HIRIP3: variants seen among roughly 807,000 people sequenced by gnomAD.
HIRIP3 encodes the protein HIRA interacting protein 3.
A neutral mutation model predicts 50.3 loss-of-function variants in HIRIP3; 40 were observed. That is an observed-to-expected ratio of 0.79 (90% CI 0.62 to 1.03). HIRIP3 has a LOEUF of 1.03. HIRIP3 is among the 50% of genes least tolerant of loss of function. The probability of loss-of-function intolerance (pLI) is 0.00; values close to 1 mark genes in which losing one functional copy is unlikely to be tolerated. For missense variants in HIRIP3, 765 were observed against 705.4 expected, an observed-to-expected ratio of 1.08 and a Z score of -0.96; for synonymous variants, 318 against 261.6, an observed-to-expected ratio of 1.22 and a Z score of -2.08.
At position 29,993,545 on chromosome 16, in the gene HIRIP3, AGGGAAGG is replaced by A; in HGVS notation, c.1414_1420del (p.Pro472Ter). ...CTCCTTCAGGGCCCGACACTTCCCT[AGGGAAGG>A]GGTACCTGGGGCAGAAGAAGCTGGT... On this transcript the variant is annotated frameshift_variant, in exon 6 of 7. Coordinates refer to ENST00000279392, the MANE Select transcript of HIRIP3 (RefSeq NM_003609.5). LOFTEE classifies it high-confidence loss of function. 6.2e-7 allele frequency: 1 copy of A among 1,613,580 alleles called. No individual in the cohort carries two copies.
At chr16:29,994,883 C>G (rs764590719) in intron 3 of HIRIP3, 40 bp from the exon 4 acceptor site, 3 of 1,553,418 alleles carry the variant, frequency 1.9e-6, no homozygotes, top group Admixed American at 3.9e-5. Context: ...ACAGGCTCCT[C>G]CTGTCCCTTC....
At chr16:29,995,926 C>G, upstream of HIRIP3, 1 of 570,600 alleles carries the variant, frequency 1.8e-6, no homozygotes, top group Non-Finnish European at 3.1e-6. Flanking sequence ...TCACGGGCAA[C>G]AGCTAGGCTG....
At position 29,995,576 on chromosome 16, in the gene HIRIP3, G is replaced by T; in HGVS notation, c.30C>A (p.Phe10Leu). The T allele has an allele frequency of 6.2e-7, 1 of 1,612,582 alleles. No homozygotes were observed. Among genetic ancestry groups the T allele is most frequent in the South Asian group, 1.1e-5 (1 of 91,020 alleles). The change falls in exon 1 of 7, where the codon TTC (phenylalanine) becomes TTA (leucine). Residue 10 changes from phenylalanine to leucine, a missense_variant. Phe to Leu is a conservative substitution (Grantham distance 22). Coordinates refer to ENST00000279392, the MANE Select transcript of HIRIP3 (RefSeq NM_003609.5). ...GGCGGCCTCGGAAGAAGCTACGGGT[G>T]AACTCCTGCATCTCCTTCTCCCGCG... MAREKEMQE[F>L]TRSFFRGRPD...
chr16:29,994,183 G>A lies in HIRIP3; in HGVS notation c.962C>T (p.Thr321Ile), dbSNP rs1567259379. ...CAACCTCTTCCCACCCTTAAGCTGG[G>A]TCCTGTCCTCACTCTTCCTCTGCAC... Reference protein sequence around the residue: ...PPVQRKSEDRTQLKGGKRLSG... With the variant: ...PPVQRKSEDRIQLKGGKRLSG... Residue 321 changes from threonine (T) to isoleucine (I), a missense_variant, in exon 4 of 7, where the codon ACC (threonine) becomes ATC (isoleucine). Physicochemically the swap from Thr to Ile is moderately conservative, Grantham distance 89. Transcript: ENST00000279392. 6.2e-7 allele frequency: 1 copy of A among 1,614,044 alleles called. No homozygotes were observed. The highest frequency in any genetic ancestry group is 8.5e-7 in the Non-Finnish European group (1 of 1,180,002).
At position 29,995,428 on chromosome 16, in the gene HIRIP3, A is replaced by C; in HGVS notation, c.101T>G (p.Leu34Ter). The part of the protein sequence containing the change: ...LTHSIVRRRY[L>*]AHSGRSHLEP... ...CAGGTGGCTGCGGCCCGAGTGAGCT[A>C]AGTACCTCCGCCGCACGATGGAATG... The change falls in exon 2 of 7, where the codon TTA (leucine) becomes TGA (stop). Residue 34 changes from leucine to a stop codon, truncating the protein, a stop_gained. Transcript: ENST00000279392. LOFTEE classifies it high-confidence loss of function. The C allele has an allele frequency of 1.9e-6, 3 of 1,613,808 alleles. No homozygotes were observed. The highest frequency in any genetic ancestry group is 2.5e-6 in the Non-Finnish European group (3 of 1,179,900).
rs1297374770 is a variant in HIRIP3, at chr16:29,993,142, C to A, written c.*65G>T. ...GGAAGCTGCTTCTGTTCCACAGACA[C>A]AGGGCAAGGGGTGCTATGTATGCTT... On this transcript the variant is annotated 3_prime_UTR_variant, in exon 7 of 7. Coordinates refer to ENST00000279392, the MANE Select transcript of HIRIP3 (RefSeq NM_003609.5). 3.5e-6 allele frequency: 5 copies of A among 1,446,700 alleles called. No individual in the cohort carries two copies. The Admixed American group carries it at 1.2e-4, about 36-fold the overall frequency. 89.6% of individuals were successfully genotyped at this position (1,446,700 alleles called of 1,614,324 possible). A position where few individuals can be genotyped will look rare whatever the true frequency, so the allele number is the denominator to read the frequency against.
Position 29,993,013 on chromosome 16 carries a change from T to A in HIRIP3, c.*194A>T. 3 of 438,562 alleles carry A rather than the reference T, an allele frequency of 6.8e-6. No homozygotes were observed. Among genetic ancestry groups the A allele is most frequent in the Non-Finnish European group, 1.2e-5 (3 of 256,714 alleles). The allele number at this position is 438,562 out of a possible 1,614,324, so 27.2% of individuals were successfully genotyped here. A position where few individuals can be genotyped will look rare whatever the true frequency, so the allele number is the denominator to read the frequency against. On this transcript the variant is annotated 3_prime_UTR_variant, in exon 7 of 7. Transcript: ENST00000279392. ...AATTTGATGAGGTGATTAAAAACAC[T>A]CCTTTATTGAGTCTTAAAAAATAAA...
At position 29,995,537 on chromosome 16, in the gene HIRIP3, G is replaced by A. The variant is rs1478059383; in HGVS notation, c.65+4C>T. On this transcript the variant is annotated splice_donor_region_variant and intron_variant, in intron 1 of 6. Coordinates refer to ENST00000279392, the MANE Select transcript of HIRIP3 (RefSeq NM_003609.5). The stretch of plus-strand genomic sequence containing the variant: ...TCCAACCCCATCTCCAACCCCCTGG[G>A]CACCTGAGGTCCGGGCGGCCTCGGA... The A allele has an allele frequency of 3.7e-6, 6 of 1,613,360 alleles. No individual in the cohort carries two copies. Among genetic ancestry groups the A allele is most frequent in the Non-Finnish European group, 2.5e-6 (3 of 1,180,014 alleles).
intron 2 of HIRIP3, 42 bp downstream of exon 2, chr16:29,995,301 C>T (rs749343900): frequency 7.5e-6 from 12 of 1,609,654 alleles, no homozygotes; most frequent in South Asian, 1.1e-5. Context: ...AGCAGCAAGC[C>T]CCGCCTCCGC....
At position 29,995,109 on chromosome 16, in the gene HIRIP3, C is replaced by A. The variant is rs1306941378; in HGVS notation, c.295G>T (p.Glu99Ter). The A allele has an allele frequency of 1.2e-6, 2 of 1,614,162 alleles. No individual in the cohort carries two copies. Reference sequence around the variant, plus strand: ...GCAGGGAGGAAGCACTAACCCGACTCTGAATTGAAGCGGAACCTTTTTCTC... The same window carrying A: ...GCAGGGAGGAAGCACTAACCCGACTATGAATTGAAGCGGAACCTTTTTCTC... ...PERKRFRFNSESESGSEASSP... is the reference protein window; with the variant it reads ...PERKRFRFNS Residue 99 changes from glutamate (E) to a stop codon, truncating the protein, a stop_gained, in exon 3 of 7, where the codon GAG becomes TAG. Transcript: ENST00000279392. LOFTEE classifies it high-confidence loss of function.
rs2070045005 is a variant in HIRIP3, at chr16:29,994,594, T to C, written c.551A>G (p.Lys184Arg). 6.2e-7 allele frequency: 1 copy of C among 1,614,078 alleles called. No homozygotes were observed. The highest frequency in any genetic ancestry group is 1.7e-5 in the Admixed American group (1 of 60,000). ...KPVVKKQAPG[K>R]ASVSRKQARE... ...GGCCTGCTTCCTACTGACTGAGGCC[T>C]TGCCTGGTGCCTGCTTCTTTACCAC... The change falls in exon 4 of 7, where the codon AAG (lysine) becomes AGG (arginine). Residue 184 changes from lysine (K) to arginine (R), a missense_variant. Lys to Arg is a conservative substitution (Grantham distance 26). Transcript: ENST00000279392.
chr16:29,995,236 G>A lies in HIRIP3; in HGVS notation c.187-19C>T. ...CATCCACCTGTGTGTGCGCCAAGAG[G>A]GCAAACTATGCACCAAGGCTGCGCT... On this transcript the variant is annotated intron_variant, in intron 2 of 6. Coordinates refer to ENST00000279392, the MANE Select transcript of HIRIP3 (RefSeq NM_003609.5). 1 of 1,614,080 alleles carries A rather than the reference G, an allele frequency of 6.2e-7. No individual in the cohort carries two copies. The highest frequency in any genetic ancestry group is 8.5e-7 in the Non-Finnish European group (1 of 1,179,930).
rs760508276 is a variant in HIRIP3, at chr16:29,993,723, T to TAC, written c.1324_1325insGT (p.Tyr442CysfsTer16). The TAC allele has an allele frequency of 6.2e-7, 1 of 1,609,376 alleles. No individual in the cohort carries two copies. The highest frequency in any genetic ancestry group is 2.2e-5 in the East Asian group (1 of 44,876). Reference sequence around the variant, plus strand: ...GCAACAGGAGCCCAACAGCTTCTTGTAGTTTCGATGGGCACCACAGGCCCG... The same window carrying TAC: ...GCAACAGGAGCCCAACAGCTTCTTGTACAGTTTCGATGGGCACCACAGGCCCG... On this transcript the variant is annotated frameshift_variant, in exon 5 of 7. Coordinates refer to ENST00000279392, the MANE Select transcript of HIRIP3 (RefSeq NM_003609.5). LOFTEE classifies it high-confidence loss of function.
upstream of HIRIP3, chr16:29,996,034 TAG>T: frequency 1.7e-6 from 1 of 586,804 alleles, no homozygotes; most frequent in Non-Finnish European, 3.0e-6. Context: ...CTAAGTACAT[TAG>T]AGTCAGGAAC....
chr16:29,993,906 C>T lies in HIRIP3; in HGVS notation c.1239G>A (p.Lys413=), dbSNP rs1567258948. Residue 413 remains lysine, a splice_region_variant and synonymous_variant, in exon 4 of 7, where the codon AAG becomes AAA. Transcript: ENST00000279392. ...SDGSPEAKGG[K]AGSGRRGEDH... ...GCCTCCCACCCCTCCTCACCCTCACCTTCCCTCCTTTGGCCTCTGGACTTC... is the reference window on the plus strand; with the variant it reads ...GCCTCCCACCCCTCCTCACCCTCACTTTCCCTCCTTTGGCCTCTGGACTTC... The T allele has an allele frequency of 1.9e-6, 3 of 1,574,740 alleles. No homozygotes were observed. In the Admixed American group the frequency reaches 5.4e-5, roughly 28 times the overall value.
chr16:29,993,237 G>T lies in HIRIP3; in HGVS notation c.1641C>A (p.Gly547=), dbSNP rs531611443. 6.3e-7 allele frequency: 1 copy of T among 1,590,780 alleles called. No individual in the cohort carries two copies. The highest frequency in any genetic ancestry group is 1.1e-5 in the South Asian group (1 of 87,824). ...TACTCTCGCCATCACTGCTGATGAT[G>T]CCACGCATATGTGACCAGTCTGGGG... ...PAPPDWSHMR[G]IISSDGESN The change falls in exon 7 of 7, where the codon GGC becomes GGA. Residue 547 remains glycine (G), a synonymous_variant. Transcript: ENST00000279392.
chr16:29,994,182 G>A lies in HIRIP3; in HGVS notation c.963C>T (p.Thr321=). Reference sequence around the variant, plus strand: ...TCAACCTCTTCCCACCCTTAAGCTGGGTCCTGTCCTCACTCTTCCTCTGCA... The same window carrying A: ...TCAACCTCTTCCCACCCTTAAGCTGAGTCCTGTCCTCACTCTTCCTCTGCA... ...PPVQRKSEDR[T]QLKGGKRLSG... Residue 321 remains threonine, a synonymous_variant, in exon 4 of 7, where the codon ACC becomes ACT. Coordinates refer to ENST00000279392, the MANE Select transcript of HIRIP3 (RefSeq NM_003609.5). 6.2e-7 allele frequency: 1 copy of A among 1,614,044 alleles called. No individual in the cohort carries two copies. The highest frequency in any genetic ancestry group is 8.5e-7 in the Non-Finnish European group (1 of 1,179,982).
Position 29,994,766 on chromosome 16 carries a change from C to T in HIRIP3, c.379G>A (p.Ala127Thr), listed in dbSNP as rs2070050119. Residue 127 changes from alanine (A) to threonine (T), a missense_variant, in exon 4 of 7, where the codon GCC becomes ACC. Transcript: ENST00000279392. Reference sequence around the variant, plus strand: ...GCTCGCCTTGGATTCTCCTCTTTGGCTGGGCTGACTTCTGCTGCCACCCCA... The same window carrying T: ...GCTCGCCTTGGATTCTCCTCTTTGGTTGGGCTGACTTCTGCTGCCACCCCA... ...KNGVAAEVSP[A>T]KEENPRRASK... 1 of 1,614,066 alleles carries T rather than the reference C, an allele frequency of 6.2e-7. No homozygotes were observed. The highest frequency in any genetic ancestry group is 8.5e-7 in the Non-Finnish European group (1 of 1,180,044).
In HIRIP3 at chr16:29,994,821, G is replaced by A. The variant is rs2070051283; in HGVS notation, c.324C>T (p.Ser108=). The A allele has an allele frequency of 6.2e-7, 1 of 1,611,846 alleles. No individual in the cohort carries two copies. Among genetic ancestry groups the A allele is most frequent in the Admixed American group, 1.7e-5 (1 of 59,794 alleles). ...SESESGSEAS[S]PDYFGPPAKN... ...TTGCTGGGGGTCCAAAGTAGTCTGGGCTGGAGGCTTCAGAGCCGGACTCTG... is the reference window on the plus strand; with the variant it reads ...TTGCTGGGGGTCCAAAGTAGTCTGGACTGGAGGCTTCAGAGCCGGACTCTG... The change falls in exon 4 of 7, where the codon AGC becomes AGT. Residue 108 remains serine, a synonymous_variant. Transcript: ENST00000279392.
Sources: gnomAD v4.1 joint callset for allele counts on GRCh38, gnomAD v4.1.1 for gene constraint, MANE v1.5 for transcripts, NCBI Gene and HGNC (gene_info 2026-07-23, HGNC 2026-07-21) for gene names.